Variants in LRIG1 observed in about 807,000 individuals in gnomAD.
The protein encoded by LRIG1 is leucine-rich repeats and immunoglobulin-like domains protein 1.
A neutral mutation model predicts 99.2 loss-of-function variants in LRIG1; 48 were observed. The observed-to-expected ratio is 0.48, with a 90% CI of 0.38 to 0.62. LRIG1 has a LOEUF of 0.62. Among genes scored for constraint, LRIG1 ranks in the 20% least tolerant of loss-of-function variants. The pLI, the probability that LRIG1 is intolerant of heterozygous loss-of-function variation, is 0.00. For missense variants in LRIG1, 1,646 were observed against 1,434.4 expected, an observed-to-expected ratio of 1.15 and a Z score of -2.38; for synonymous variants, 772 against 596.1, an observed-to-expected ratio of 1.29 and a Z score of -4.30.
chr3:66,436,217 C>T (rs1252428177), intron 3 of LRIG1, among the ~76,000 whole-genome samples: 2 of 152,126 alleles, frequency 1.3e-5, no homozygotes, highest in African/African-American at 4.8e-5. Flanking sequence ...GGAAGACGTG[C>T]CAGACGTGCA....
intron 10 of LRIG1, 79 bp downstream of exon 10, chr3:66,398,891 C>G (rs1041766559): frequency 8.7e-7 from 1 of 1,153,422 alleles, no homozygotes; most frequent in African/African-American, 1.5e-5. Context: ...TACAAAGATG[C>G]GATTAAATTG....
intron 2 of LRIG1, among the ~76,000 whole-genome samples, chr3:66,460,636 T>C (rs1403080387): frequency 1.3e-5 from 2 of 152,236 alleles, no homozygotes; most frequent in Non-Finnish European, 2.9e-5. Flanking sequence ...TGCCAGTACC[T>C]TGATCTTGGA....
At chr3:66,453,251 T>A (rs1703965495) in intron 2 of LRIG1, among the ~76,000 whole-genome samples, 1 of 152,248 alleles carries the variant, frequency 6.6e-6, no homozygotes, top group Admixed American at 6.5e-5. Flanking sequence ...TTGCTTGCGA[T>A]TTCTTCTCAA....
chr3:66,403,085 G>T (rs370621063), intron 9 of LRIG1, among the ~76,000 whole-genome samples: 120 of 152,240 alleles, frequency 7.9e-4, no homozygotes, highest in African/African-American at 2.5e-3. Flanking sequence ...TAGGTAGACG[G>T]AGTAGTATCC....
intron 6 of LRIG1, among the ~76,000 whole-genome samples, chr3:66,411,304 T>A (rs995198992): frequency 7.2e-5 from 11 of 152,256 alleles, no homozygotes; most frequent in African/African-American, 2.4e-4. Flanking sequence ...TTCTTTCTGC[T>A]ACTGCTCAAA....
chr3:66,421,960 A>G (rs533813584), intron 3 of LRIG1, among the ~76,000 whole-genome samples: 33 of 152,336 alleles, frequency 2.2e-4, no homozygotes, highest in African/African-American at 7.7e-4. Context: ...GGAAGCTGCC[A>G]AGACTTGGGG....
At chr3:66,443,799 G>C (rs1703626510) in intron 3 of LRIG1, among the ~76,000 whole-genome samples, 1 of 152,202 alleles carries the variant, frequency 6.6e-6, no homozygotes, top group South Asian at 2.1e-4. Context: ...AGGAACCCAC[G>C]GTCTCCACCA....
At chr3:66,431,564 G>C (rs1431172241) in intron 3 of LRIG1, among the ~76,000 whole-genome samples, 3 of 152,192 alleles carry the variant, frequency 2.0e-5, no homozygotes, top group Non-Finnish European at 4.4e-5. Context: ...CACACAGCAA[G>C]GACCTCCTCT....
intron 3 of LRIG1, among the ~76,000 whole-genome samples, chr3:66,426,313 C>G (rs1383014755): frequency 6.6e-6 from 1 of 152,136 alleles, no homozygotes. Context: ...TGGCTATGTT[C>G]CAATAAAACT....
intron 5 of LRIG1, among the ~76,000 whole-genome samples, chr3:66,414,661 G>A (rs1702569018): frequency 2.6e-5 from 4 of 152,134 alleles, no homozygotes; most frequent in Admixed American, 2.6e-4. Context: ...CTAAGCAGCA[G>A]GACTCCTGAT....
At chr3:66,444,542 C>T (rs1056498098) in intron 3 of LRIG1, among the ~76,000 whole-genome samples, 2 of 152,218 alleles carry the variant, frequency 1.3e-5, no homozygotes, top group Non-Finnish European at 2.9e-5. Flanking sequence ...CCCCCCAGCC[C>T]CATATGAGCC....
At position 66,500,180 on chromosome 3, in the gene LRIG1, C is replaced by T; in HGVS notation, c.218+10G>A. 1 of 1,512,808 alleles carries T rather than the reference C, an allele frequency of 6.6e-7. No individual in the cohort carries two copies. The highest frequency in any genetic ancestry group is 8.8e-7 in the Non-Finnish European group (1 of 1,136,124). 93.7% of individuals were successfully genotyped at this position (1,512,808 alleles called of 1,614,324 possible). A position where few individuals can be genotyped will look rare whatever the true frequency, so the allele number is the denominator to read the frequency against. Reference sequence around the variant, plus strand: ...CGGGGCGCAGAGAGGGCGGAAAGGGCGGCACTCACAGGCTCCGCGTCCAGG... The same window carrying T: ...CGGGGCGCAGAGAGGGCGGAAAGGGTGGCACTCACAGGCTCCGCGTCCAGG... On this transcript the variant is annotated intron_variant, in intron 1 of 18. Coordinates refer to ENST00000273261, the MANE Select transcript of LRIG1 (RefSeq NM_015541.3).
intron 17 of LRIG1, among the ~76,000 whole-genome samples, chr3:66,381,242 T>A (rs776756804): frequency 6.6e-6 from 1 of 152,208 alleles, no homozygotes; most frequent in Non-Finnish European, 1.5e-5. Context: ...TGCCCCTTAT[T>A]TAAGTTGCTT....
chr3:66,406,106 G>T (rs535928106), intron 8 of LRIG1: 2 of 985,622 alleles, frequency 2.0e-6, no homozygotes, highest in East Asian at 2.3e-4. Flanking sequence ...CTTGTCTCCT[G>T]TGAGAAGCTG....
intron 1 of LRIG1, among the ~76,000 whole-genome samples, chr3:66,483,500 G>C (rs934713182): frequency 3.3e-5 from 5 of 152,252 alleles, no homozygotes; most frequent in Non-Finnish European, 7.3e-5. Flanking sequence ...CTCTGGTCAA[G>C]GAAAGCAGTC....
intron 9 of LRIG1, among the ~76,000 whole-genome samples, chr3:66,402,141 G>C (rs1206717384): frequency 1.3e-5 from 2 of 152,146 alleles, no homozygotes; most frequent in Non-Finnish European, 2.9e-5. Context: ...GAATGCCATG[G>C]AGCCAGCTGG....
rs1371701995 is a variant in LRIG1 at position 66,480,930 on chromosome 3, T to TG, written c.219-18422dup. Among the ~76,000 whole-genome samples, 5 of 152,186 alleles carry TG rather than the reference T, an allele frequency of 3.3e-5. No individual in the cohort carries two copies. In the East Asian group the frequency reaches 9.6e-4, roughly 29 times the overall value. On this transcript the variant is annotated intron_variant, in intron 1 of 18. Transcript: ENST00000273261. ...TTAAGATCTAACCCTTTTCTGTGGT[T>TG]GGGGCAGGCGGATTTGAGAATAATA...
Position 66,381,583 on chromosome 3 carries a change from C to T in LRIG1, c.2666G>A (p.Ser889Asn). ...GAGCTTTGGCTGCCTGCAGGCAACG[C>T]TGTGAGTGTCGGGCTCTGGAAAGTG... ...ASHFPEPDTH[S>N]VACRQPKLCA... Residue 889 changes from serine (S) to asparagine (N), a missense_variant, in exon 17 of 19, where the codon AGC becomes AAC. Physicochemically the swap from Ser to Asn is conservative, Grantham distance 46. Transcript: ENST00000273261. The T allele has an allele frequency of 1.9e-6, 3 of 1,614,156 alleles. No homozygotes were observed. Among genetic ancestry groups the T allele is most frequent in the Non-Finnish European group, 2.5e-6 (3 of 1,179,992 alleles).
intron 3 of LRIG1, among the ~76,000 whole-genome samples, chr3:66,448,209 C>A (rs1703788977): frequency 6.6e-6 from 1 of 152,186 alleles, no homozygotes; most frequent in Non-Finnish European, 1.5e-5. Context: ...ATGGAAGTCT[C>A]TTTTGAAGAC....
Sources: gnomAD v4.1 joint callset for allele counts (sites outside exome capture counted in the v4.1 genomes callset) on GRCh38, gnomAD v4.1.1 for gene constraint, MANE v1.5 for transcripts, NCBI Gene and HGNC (gene_info 2026-07-23, HGNC 2026-07-21) for gene names.